Variants in SHROOM3 observed in about 807,000 individuals in gnomAD.
SHROOM3 encodes the protein protein Shroom3.
SHROOM3 carries 47 observed loss-of-function variants against 138.6 expected under a neutral mutation model. The observed-to-expected ratio is 0.34, with a 90% CI of 0.27 to 0.43. SHROOM3 has a LOEUF of 0.43. Among genes scored for constraint, SHROOM3 ranks in the 20% least tolerant of loss-of-function variants. SHROOM3 has a pLI of 1.00. For missense variants in SHROOM3, 2,491 were observed against 2,596.5 expected (o/e 0.96, Z 0.88); for synonymous variants, 1,062 against 1,063.3 (o/e 1.00, Z 0.02).
In SHROOM3 at chr4:76,555,687, A is replaced by G. The variant is rs374105995; in HGVS notation, c.247A>G (p.Thr83Ala). Residue 83 changes from threonine (T) to alanine (A), a missense_variant, in exon 2 of 11, where the codon ACT (threonine) becomes GCT (alanine). Coordinates refer to ENST00000296043, the MANE Select transcript of SHROOM3 (RefSeq NM_020859.4). ...TGAGGTTGTGCACATCAATGAGGTG[A>G]CTCTGAGCAGCTCCAGAAAGGAGGC... Reference protein sequence around the residue: ...GDEVVHINEVTLSSSRKEAVS... With the variant: ...GDEVVHINEVALSSSRKEAVS... 2.5e-6 allele frequency: 4 copies of G among 1,613,860 alleles called. No individual in the cohort carries two copies. In the African/African-American group the frequency reaches 4.0e-5, roughly 16 times the overall value.
chr4:76,478,241 C>A (rs1325061474), intron 1 of SHROOM3, among the ~76,000 whole-genome samples: 1 of 152,222 alleles, frequency 6.6e-6, no homozygotes, highest in Non-Finnish European at 1.5e-5. Flanking sequence ...GAAATTCTCG[C>A]TGCTAGCATA....
chr4:76,448,167 T>TA (rs1730852179), intron 1 of SHROOM3, among the ~76,000 whole-genome samples: 2 of 152,206 alleles, frequency 1.3e-5, no homozygotes, highest in South Asian at 4.1e-4. Context: ...GATTTGTTTT[T>TA]ATATATGAGG....
At chr4:76,480,661 C>T (rs187463895) in intron 1 of SHROOM3, among the ~76,000 whole-genome samples, 29 of 152,310 alleles carry the variant, frequency 1.9e-4, no homozygotes, top group African/African-American at 6.7e-4. Flanking sequence ...AACTCTCCAT[C>T]CCAAATCAAC....
chr4:76,602,803 C>G (rs1734533013), intron 2 of SHROOM3, among the ~76,000 whole-genome samples: 1 of 152,186 alleles, frequency 6.6e-6, no homozygotes. Flanking sequence ...CACTGACACT[C>G]TGTGACCGTG....
intron 1 of SHROOM3, among the ~76,000 whole-genome samples, chr4:76,483,408 A>C (rs940018049): frequency 4.6e-5 from 7 of 152,248 alleles, no homozygotes; most frequent in African/African-American, 7.2e-5. Flanking sequence ...GCTCATCATC[A>C]CTGGTCATTA....
intron 1 of SHROOM3, among the ~76,000 whole-genome samples, chr4:76,531,015 T>C (rs1348630113): frequency 6.6e-6 from 1 of 152,214 alleles, no homozygotes; most frequent in Non-Finnish European, 1.5e-5. Context: ...CTTCCTAGTG[T>C]AATAATAATA....
At chr4:76,586,779 C>T (rs775001328) in intron 2 of SHROOM3, among the ~76,000 whole-genome samples, 1 of 152,144 alleles carries the variant, frequency 6.6e-6, no homozygotes, top group Non-Finnish European at 1.5e-5. Context: ...TAGTTAAGGC[C>T]AACAAATATA....
intron 2 of SHROOM3, among the ~76,000 whole-genome samples, chr4:76,655,901 C>T (rs976857498): frequency 6.6e-6 from 1 of 152,126 alleles, no homozygotes; most frequent in African/African-American, 2.4e-5. Context: ...ATTCCCAGTA[C>T]CCAGTTACAT....
chr4:76,634,306 C>T (rs1428542159), intron 2 of SHROOM3, among the ~76,000 whole-genome samples: 1 of 152,112 alleles, frequency 6.6e-6, no homozygotes, highest in Non-Finnish European at 1.5e-5. Flanking sequence ...ACCTTATCCT[C>T]CAAGGTATAG....
At chr4:76,669,029 C>T (rs1385201006) in intron 2 of SHROOM3, among the ~76,000 whole-genome samples, 1 of 152,190 alleles carries the variant, frequency 6.6e-6, no homozygotes, top group African/African-American at 2.4e-5. Flanking sequence ...TTTTGATTGA[C>T]ATCACATGGA....
At chr4:76,619,256 T>G (rs1454112907) in intron 2 of SHROOM3, among the ~76,000 whole-genome samples, 1 of 152,186 alleles carries the variant, frequency 6.6e-6, no homozygotes, top group Non-Finnish European at 1.5e-5. Flanking sequence ...AAAGAACACT[T>G]AATTTGACTT....
intron 9 of SHROOM3, among the ~76,000 whole-genome samples, chr4:76,760,884 C>G (rs150330790): frequency 2.0e-5 from 3 of 152,228 alleles, no homozygotes; most frequent in Non-Finnish European, 4.4e-5. Context: ...TACACCCTTA[C>G]ATGTATCACG....
chr4:76,676,405 T>C (rs571435205), intron 2 of SHROOM3, among the ~76,000 whole-genome samples: 2 of 152,152 alleles, frequency 1.3e-5, no homozygotes, highest in Non-Finnish European at 2.9e-5. Context: ...ACACTTTTCA[T>C]CTAGGAGGAA....
chr4:76,703,705 T>C (rs986351025), intron 2 of SHROOM3, among the ~76,000 whole-genome samples: 5 of 152,174 alleles, frequency 3.3e-5, no homozygotes, highest in African/African-American at 1.2e-4. Context: ...ACTTCATGGA[T>C]GAAGGACACA....
At chr4:76,486,085 AT>A (rs1731723915) in intron 1 of SHROOM3, among the ~76,000 whole-genome samples, 1 of 152,188 alleles carries the variant, frequency 6.6e-6, no homozygotes, top group Admixed American at 6.5e-5. Context: ...ACAGAAAAAA[AT>A]AAGTGCGTGC....
At chr4:76,611,380 G>A (rs2110061391) in intron 2 of SHROOM3, among the ~76,000 whole-genome samples, 1 of 151,772 alleles carries the variant, frequency 6.6e-6, no homozygotes, top group East Asian at 1.9e-4. Context: ...CGATCTCGTT[G>A]TTTTGGTTAT....
rs376293650 is a variant in SHROOM3, at chr4:76,740,842, G to A, written c.2669G>A (p.Ser890Asn). 3 of 1,579,434 alleles carry A rather than the reference G, an allele frequency of 1.9e-6. No homozygotes were observed. The highest frequency in any genetic ancestry group is 2.7e-5 in the African/African-American group (2 of 73,738). Residue 890 changes from serine (S) to asparagine (N), a missense_variant, in exon 5 of 11, where the codon AGC becomes AAC. Physicochemically the swap from Ser to Asn is conservative, Grantham distance 46. Around this residue, in one of 4 missense-constraint regions of SHROOM3, gnomAD observed 1,733 missense variants for 1,661.6 expected, o/e 1.04. Coordinates refer to ENST00000296043, the MANE Select transcript of SHROOM3 (RefSeq NM_020859.4). The surrounding 1 kb of genome is among the most constrained non-coding windows in gnomAD (Gnocchi z 4.0). ...RPDARLLRSQSTFQLSSEPER... is the reference protein window; with the variant it reads ...RPDARLLRSQNTFQLSSEPER... ...GACGCTCGGCTCCTCCGTAGCCAGAGCACCTTCCAGCTCTCCAGCGAGCCA... is the reference window on the plus strand; with the variant it reads ...GACGCTCGGCTCCTCCGTAGCCAGAACACCTTCCAGCTCTCCAGCGAGCCA...
intron 1 of SHROOM3, among the ~76,000 whole-genome samples, chr4:76,552,064 T>C (rs2110027119): frequency 6.8e-6 from 1 of 146,250 alleles, no homozygotes; most frequent in Admixed American, 6.7e-5. Flanking sequence ...GGTTTCACCG[T>C]GTTAGCCAGG....
intron 2 of SHROOM3, among the ~76,000 whole-genome samples, chr4:76,641,490 T>C (rs993079623): frequency 6.6e-6 from 1 of 152,056 alleles, no homozygotes; most frequent in African/African-American, 2.4e-5. Context: ...TTTACCCAGA[T>C]TGAATCAGGG....
Sources: allele counts gnomAD v4.1 joint callset (sites outside exome capture counted in the v4.1 genomes callset), GRCh38; gene constraint gnomAD v4.1.1; regional missense constraint gnomAD v4.1.1; non-coding constraint Gnocchi (gnomAD v3.1); transcripts MANE v1.5; gene names NCBI Gene and HGNC (gene_info 2026-07-23, HGNC 2026-07-21).